Variants in DNAH7 observed in about 807,000 individuals in gnomAD.
The protein encoded by DNAH7 is axonemal beta dynein heavy chain 7.
In DNAH7, 397 loss-of-function variants were observed where a neutral mutation model predicts 444.6. The observed-to-expected ratio is 0.89, with a 90% confidence interval of 0.82 to 0.97. DNAH7 has a LOEUF of 0.97. Among genes scored for constraint, DNAH7 ranks in the 50% least tolerant of loss-of-function variants. The probability of loss-of-function intolerance (pLI) is 0.00; values close to 1 mark genes in which losing one functional copy is unlikely to be tolerated. For missense variants in DNAH7, 4,902 were observed against 4,800.8 expected, an observed-to-expected ratio of 1.02 and a Z score of -0.62; for synonymous variants, 1,636 against 1,624.4, an observed-to-expected ratio of 1.01 and a Z score of -0.17.
chr2:196,004,965 A>C (rs1234629755), intron 10 of DNAH7, among the ~76,000 whole-genome samples: 1 of 93,326 alleles, frequency 1.1e-5, no homozygotes, highest in African/African-American at 1.1e-4. Flanking sequence ...CTTGTGTCAA[A>C]AAAAAAAAAA....
chr2:195,886,051 G>A, intron 34 of DNAH7, 90 bp downstream of exon 34: 1 of 1,432,982 alleles, frequency 7.0e-7, no homozygotes, highest in Non-Finnish European at 9.3e-7. Context: ...AACTTCAGGG[G>A]CAAAATGAGT....
intron 21 of DNAH7, among the ~76,000 whole-genome samples, chr2:195,932,371 C>T (rs1688756965): frequency 6.6e-6 from 1 of 152,182 alleles, no homozygotes; most frequent in African/African-American, 2.4e-5. Context: ...GCAGCAGAGA[C>T]AGTTTGACTT....
chr2:195,948,885 G>C (rs1690014561), intron 19 of DNAH7, among the ~76,000 whole-genome samples: 1 of 152,142 alleles, frequency 6.6e-6, no homozygotes, highest in Non-Finnish European at 1.5e-5. Context: ...ACTTTGGGCA[G>C]TATGGCCATT....
chr2:195,999,070 A>C (rs1164865793), intron 12 of DNAH7: 1 of 715,814 alleles, frequency 1.4e-6, no homozygotes. Flanking sequence ...CAAAGCCTCA[A>C]GGTCGAGCAA....
At chr2:195,887,271 C>T (rs918664476) in intron 33 of DNAH7, among the ~76,000 whole-genome samples, 1 of 152,008 alleles carries the variant, frequency 6.6e-6, no homozygotes, top group African/African-American at 2.4e-5. Context: ...GGAAAAAAAA[C>T]CCCATAAAGG....
At chr2:195,961,308 T>C (rs537448247) in intron 17 of DNAH7, among the ~76,000 whole-genome samples, 1 of 152,192 alleles carries the variant, frequency 6.6e-6, no homozygotes, top group Non-Finnish European at 1.5e-5. Context: ...CTATTAGCTG[T>C]AGTTACCAAT....
At chr2:195,996,760 G>A (rs1303431536) in intron 12 of DNAH7, among the ~76,000 whole-genome samples, 1 of 152,122 alleles carries the variant, frequency 6.6e-6, no homozygotes, top group Non-Finnish European at 1.5e-5. Context: ...TGCTCTACCT[G>A]TTGCCCAGAT....
Position 195,809,812 on chromosome 2 carries a change from A to G in DNAH7, c.9821T>C (p.Leu3274Pro), listed in dbSNP as rs1696880087. ...YSLYVNVCRS[L>P]FEKDKLLFSF... ...AAAGAGCAGCTTATCCTTTTCAAAG[A>G]GTGACCGGCAGACATTAACATACAG... Residue 3274 changes from leucine (L) to proline (P), a missense_variant, in exon 52 of 65, where the codon CTC (leucine) becomes CCC (proline). Coordinates refer to ENST00000312428, the MANE Select transcript of DNAH7 (RefSeq NM_018897.3). 5 of 1,599,914 alleles carry G rather than the reference A, an allele frequency of 3.1e-6. No individual in the cohort carries two copies. The African/African-American group carries it at 5.4e-5, about 17-fold the overall frequency.
chr2:196,040,852 G>A (rs934536217), intron 5 of DNAH7, among the ~76,000 whole-genome samples: 8 of 152,006 alleles, frequency 5.3e-5, no homozygotes, highest in Admixed American at 4.6e-4. Flanking sequence ...TGTTAGAACT[G>A]ATAAATGATT....
At chr2:195,808,463 C>T (rs539367570) in intron 53 of DNAH7, among the ~76,000 whole-genome samples, 1 of 152,262 alleles carries the variant, frequency 6.6e-6, no homozygotes, top group East Asian at 1.9e-4. Context: ...TTCTCAAGAA[C>T]CACACAGCAT....
At chr2:195,809,384 T>C (rs562814522) in intron 52 of DNAH7, among the ~76,000 whole-genome samples, 2 of 152,210 alleles carry the variant, frequency 1.3e-5, no homozygotes, top group South Asian at 2.1e-4. Flanking sequence ...GTGTATAAAA[T>C]AGTGACTTTA....
chr2:195,930,708 A>G (rs1688634290), intron 21 of DNAH7, among the ~76,000 whole-genome samples: 1 of 152,218 alleles, frequency 6.6e-6, no homozygotes, highest in South Asian at 2.1e-4. Context: ...TTGTTCTACC[A>G]AAAAGACACA....
chr2:195,754,325 C>T lies in DNAH7; in HGVS notation c.11764+12G>A. The T allele has an allele frequency of 6.2e-7, 1 of 1,612,752 alleles. No individual in the cohort carries two copies. Among genetic ancestry groups the T allele is most frequent in the Non-Finnish European group, 8.5e-7 (1 of 1,179,146 alleles). On this transcript the variant is annotated intron_variant, in intron 63 of 64. Coordinates refer to ENST00000312428, the MANE Select transcript of DNAH7 (RefSeq NM_018897.3). ...CCAGATATGAGCCGACTCATTCTGT[C>T]CCTGCACTTACCATCCTCAGGAGGA...
At chr2:195,798,837 T>C (rs1841731) in intron 55 of DNAH7, among the ~76,000 whole-genome samples, 108,008 of 151,876 alleles carry the variant, frequency 0.71, 38,503 homozygotes, top group Non-Finnish European at 0.73. Flanking sequence ...TGAGCCACCG[T>C]GCCTGGCCAG....
intron 54 of DNAH7, 110 bp from the exon 55 acceptor site, chr2:195,799,582 T>C: frequency 1.1e-6 from 1 of 923,164 alleles, no homozygotes. Context: ...TCTATTAGTT[T>C]AGGTATTCAT....
intron 19 of DNAH7, among the ~76,000 whole-genome samples, chr2:195,955,512 C>G (rs1245419938): frequency 1.3e-5 from 2 of 152,026 alleles, no homozygotes; most frequent in Admixed American, 6.6e-5. Flanking sequence ...AAGTCTTAAG[C>G]AAAAGTAAAT....
rs368032669 is a variant in DNAH7 at position 195,824,323 on chromosome 2, G to A, written c.9223C>T (p.Pro3075Ser). The change falls in exon 49 of 65, where the codon CCT (proline) becomes TCT (serine). Residue 3075 changes from proline (P) to serine (S), a missense_variant. Coordinates refer to ENST00000312428, the MANE Select transcript of DNAH7 (RefSeq NM_018897.3). ...RLGDSTIEYA[P>S]DFRFYITTKL... ...GTAGTAATATAGAAGCGGAAGTCAG[G>A]TGCATATTCAATTGTGGAGTCCCCA... is the stretch of plus-strand genomic sequence containing the variant. 35 of 1,613,878 alleles carry A rather than the reference G, an allele frequency of 2.2e-5. No individual in the cohort carries two copies. Among genetic ancestry groups the A allele is most frequent in the Admixed American group, 1.5e-4 (9 of 60,002 alleles).
At chr2:195,740,022 T>C (rs990541520) in intron 64 of DNAH7, among the ~76,000 whole-genome samples, 3 of 152,186 alleles carry the variant, frequency 2.0e-5, no homozygotes, top group Non-Finnish European at 2.9e-5. Flanking sequence ...TCACTCTTGT[T>C]GCCCAGGCTG....
intron 11 of DNAH7, among the ~76,000 whole-genome samples, 176 bp from the exon 12 acceptor site, chr2:196,001,059 T>C (rs1694003251): frequency 6.6e-6 from 1 of 152,162 alleles, no homozygotes; most frequent in Admixed American, 6.5e-5. Flanking sequence ...CTACAGTTGA[T>C]GATATCCAGT....
Sources: gnomAD v4.1 joint callset for allele counts (sites outside exome capture counted in the v4.1 genomes callset) on GRCh38, gnomAD v4.1.1 for gene constraint, MANE v1.5 for transcripts, NCBI Gene and HGNC (gene_info 2026-07-23, HGNC 2026-07-21) for gene names.